NR6A1: variants seen among roughly 807,000 people sequenced by gnomAD.
NR6A1 encodes nuclear receptor subfamily 6 group A member 1.
A neutral mutation model predicts 59.1 loss-of-function variants in NR6A1; 7 were observed. The ratio of observed to expected loss-of-function variants is 0.12; its 90% CI spans 0.07 to 0.22. The LOEUF (loss-of-function observed/expected upper bound fraction) is 0.22. NR6A1 is among the 10% of genes least tolerant of loss of function. The pLI is 1.00. For synonymous variants in NR6A1, 243 were observed against 236.1 expected, an observed-to-expected ratio of 1.03 and a Z score of -0.27; for missense variants, 468 against 611.6, an observed-to-expected ratio of 0.77 and a Z score of 2.48.
intron 3 of NR6A1, among the ~76,000 whole-genome samples, chr9:124,553,096 C>A (rs1046978694): frequency 5.9e-5 from 9 of 152,118 alleles, no homozygotes; most frequent in Non-Finnish European, 1.2e-4. Context: ...AGTAACATAC[C>A]ATCTTAAAGG....
chr9:124,762,885 A>T (rs1840820735), intron 1 of NR6A1, among the ~76,000 whole-genome samples: 1 of 152,250 alleles, frequency 6.6e-6, no homozygotes, highest in Non-Finnish European at 1.5e-5. Context: ...AGTGGCAAGT[A>T]CAAGTTTTCC....
At chr9:124,543,960 G>A in intron 3 of NR6A1, 103 bp from the exon 4 acceptor site, 4 of 876,366 alleles carry the variant, frequency 4.6e-6, no homozygotes, top group South Asian at 4.5e-5. Context: ...ACAGTAATTA[G>A]TGAATCCAAC....
intron 2 of NR6A1, among the ~76,000 whole-genome samples, chr9:124,665,023 A>C (rs1359793747): frequency 2.0e-5 from 3 of 150,848 alleles, no homozygotes; most frequent in Admixed American, 6.6e-5. Flanking sequence ...AAAAAAAAAA[A>C]AAAAAAAAAA....
intron 2 of NR6A1, among the ~76,000 whole-genome samples, chr9:124,709,330 T>C (rs1016859503): frequency 2.0e-5 from 3 of 152,168 alleles, no homozygotes; most frequent in Admixed American, 6.5e-5. Flanking sequence ...AAAGGACAAA[T>C]GGACCCTGAT....
At position 124,702,261 on chromosome 9, in the gene NR6A1, C is replaced by T. The variant is rs564967492; in HGVS notation, c.142+31047G>A. ...AGCTCTTACATTTAGGTGTATGGTG[C>T]ACTCTGAGTTACTTTTTGTGTCTAG... On this transcript the variant is annotated intron_variant, in intron 2 of 9. Coordinates refer to ENST00000487099, the MANE Select transcript of NR6A1 (RefSeq NM_033334.4). Among the ~76,000 whole-genome samples, 174 of 152,238 alleles carry T rather than the reference C, an allele frequency of 1.1e-3. 1 individual carries two copies. The highest frequency in any genetic ancestry group is 3.8e-3 in the African/African-American group (158 of 41,544).
At chr9:124,666,244 T>C (rs1837608756) in intron 2 of NR6A1, among the ~76,000 whole-genome samples, 1 of 151,036 alleles carries the variant, frequency 6.6e-6, no homozygotes, top group Non-Finnish European at 1.5e-5. Context: ...TATTGTGACC[T>C]AGATTTTGGC....
intron 1 of NR6A1, among the ~76,000 whole-genome samples, chr9:124,739,669 G>T (rs1429463820): frequency 6.6e-6 from 1 of 152,198 alleles, no homozygotes; most frequent in African/African-American, 2.4e-5. Flanking sequence ...CTCAAATTGT[G>T]ACTGGCTATC....
intron 2 of NR6A1, among the ~76,000 whole-genome samples, chr9:124,668,531 A>ATTT (rs1455167885): frequency 1.3e-5 from 2 of 152,250 alleles, no homozygotes; most frequent in Non-Finnish European, 2.9e-5. Context: ...ACAGAAAAAC[A>ATTT]TAAAAAGGAA....
intron 2 of NR6A1, among the ~76,000 whole-genome samples, chr9:124,622,601 A>T (rs1836108721): frequency 6.6e-6 from 1 of 152,316 alleles, no homozygotes. Context: ...CAAATACTGA[A>T]CCACTATAAC....
At chr9:124,539,091 G>C (rs1363959296) in intron 5 of NR6A1, among the ~76,000 whole-genome samples, 1 of 151,730 alleles carries the variant, frequency 6.6e-6, no homozygotes, top group East Asian at 1.9e-4. Context: ...AACAAAAAAA[G>C]ACAGAGTCTT....
intron 2 of NR6A1, among the ~76,000 whole-genome samples, chr9:124,723,315 C>T (rs1839616666): frequency 6.6e-6 from 1 of 152,130 alleles, no homozygotes. Flanking sequence ...TTAACATGTT[C>T]AGTCTCCTAA....
intron 3 of NR6A1, among the ~76,000 whole-genome samples, chr9:124,549,312 A>G (rs1324900554): frequency 2.6e-5 from 4 of 152,246 alleles, no homozygotes; most frequent in Non-Finnish European, 4.4e-5. Flanking sequence ...TTGAAGAACT[A>G]GGATGGAATG....
intron 2 of NR6A1, chr9:124,607,199 C>A (rs1208275400): frequency 6.6e-6 from 1 of 152,108 alleles, no homozygotes; most frequent in Non-Finnish European, 1.5e-5. Flanking sequence ...CAGCCACTCA[C>A]GAGGCTGAGG....
chr9:124,601,873 G>A (rs1288807828), intron 2 of NR6A1, among the ~76,000 whole-genome samples: 1 of 151,718 alleles, frequency 6.6e-6, no homozygotes, highest in Non-Finnish European at 1.5e-5. Flanking sequence ...AGGGTTGCTT[G>A]AGCCTGGGAG....
chr9:124,620,880 C>G (rs1442422248), intron 2 of NR6A1, among the ~76,000 whole-genome samples: 1 of 151,970 alleles, frequency 6.6e-6, no homozygotes, highest in East Asian at 1.9e-4. Context: ...ATATAATGCT[C>G]TGCCCTTGGG....
chr9:124,733,328 G>A lies in NR6A1; in HGVS notation c.122C>T (p.Ala41Val). The change falls in exon 2 of 10, where the codon GCA (alanine) becomes GTA (valine). Residue 41 changes from alanine to valine, a missense_variant. Physicochemically the swap from Ala to Val is moderately conservative, Grantham distance 64. Around this residue, in one of 4 missense-constraint regions of NR6A1, gnomAD observed 75 missense variants for 65.6 expected, o/e 1.14. Coordinates refer to ENST00000487099, the MANE Select transcript of NR6A1 (RefSeq NM_033334.4). ...PRNGFCQDEL[A>V]ELDPGTISVS... ...CTTACTAGTGCCTGGGTCAAGCTCT[G>A]CCAATTCATCCTGACAGAAACCTAA... 6.2e-7 allele frequency: 1 copy of A among 1,612,826 alleles called. No homozygotes were observed. The highest frequency in any genetic ancestry group is 2.2e-5 in the East Asian group (1 of 44,826).
intron 2 of NR6A1, among the ~76,000 whole-genome samples, chr9:124,675,217 C>A (rs1315336998): frequency 1.3e-5 from 2 of 152,196 alleles, no homozygotes; most frequent in Non-Finnish European, 2.9e-5. Context: ...TGGAGTTAAT[C>A]CTGTGGACTG....
At chr9:124,650,688 T>C (rs1401994555) in intron 2 of NR6A1, among the ~76,000 whole-genome samples, 1 of 152,186 alleles carries the variant, frequency 6.6e-6, no homozygotes, top group African/African-American at 2.4e-5. Context: ...TATCAAAATA[T>C]CACATGTACC....
At chr9:124,544,770 G>C (rs1199534822) in intron 3 of NR6A1, among the ~76,000 whole-genome samples, 1 of 152,148 alleles carries the variant, frequency 6.6e-6, no homozygotes, top group East Asian at 1.9e-4. Flanking sequence ...AAGGCCAATT[G>C]GGCCTAGATT....
Sources: allele counts gnomAD v4.1 joint callset (sites outside exome capture counted in the v4.1 genomes callset), GRCh38; gene constraint gnomAD v4.1.1; regional missense constraint gnomAD v4.1.1; transcripts MANE v1.5; gene names NCBI Gene and HGNC (gene_info 2026-07-23, HGNC 2026-07-21).